Variants in RYR1 observed in about 807,000 individuals in gnomAD.
RYR1 encodes ryanodine receptor 1.
A neutral mutation model predicts 583.5 loss-of-function variants in RYR1; 342 were observed. The observed-to-expected ratio is 0.59, with a 90% CI of 0.54 to 0.64. The LOEUF (loss-of-function observed/expected upper bound fraction) is 0.64, where lower values mean the gene tolerates loss of function less well. RYR1 is among the 30% of genes least tolerant of loss of function. RYR1 has a pLI of 0.00. For missense variants in RYR1, 6,032 were observed against 6,917.2 expected, an observed-to-expected ratio of 0.87 and a Z score of 4.54; for synonymous variants, 2,791 against 2,822.5, an observed-to-expected ratio of 0.99 and a Z score of 0.35.
chr19:38,454,795 A>G (rs1218242225), intron 13 of RYR1, among the ~76,000 whole-genome samples: 1 of 151,314 alleles, frequency 6.6e-6, no homozygotes, highest in Non-Finnish European at 1.5e-5. Flanking sequence ...ATGTAAAAAA[A>G]AAAAGAAAAG....
chr19:38,511,141 C>A (rs1430502443), intron 60 of RYR1, among the ~76,000 whole-genome samples: 2 of 151,992 alleles, frequency 1.3e-5, no homozygotes, highest in East Asian at 3.9e-4. Context: ...ACAAAAAATA[C>A]AAAAATTAGC....
chr19:38,524,199 A>G (rs568655074), intron 70 of RYR1, among the ~76,000 whole-genome samples: 49 of 148,406 alleles, frequency 3.3e-4, no homozygotes, highest in Non-Finnish European at 4.8e-4. Flanking sequence ...AAAAAAAAAA[A>G]AAAAGAAAAA....
At chr19:38,502,400 G>A (rs763514908) in intron 47 of RYR1, 107 bp from the exon 48 acceptor site, 14 of 1,054,422 alleles carry the variant, frequency 1.3e-5, no homozygotes, top group Non-Finnish European at 2.0e-5. Flanking sequence ...GCAGGTTTTG[G>A]GGGAGTCATC....
chr19:38,478,656 A>C, intron 31 of RYR1, 56 bp downstream of exon 31: 2 of 1,590,488 alleles, frequency 1.3e-6, no homozygotes, highest in Non-Finnish European at 1.7e-6. Context: ...ATCCCAGGAC[A>C]GCTCTTATAG....
intron 94 of RYR1, 148 bp from the exon 95 acceptor site, chr19:38,571,871 C>A: frequency 1.8e-6 from 2 of 1,124,816 alleles, no homozygotes; most frequent in Non-Finnish European, 1.3e-6. Context: ...CTAGCTACAG[C>A]CCTAGGCCCA....
At chr19:38,530,864 G>A (rs568654922) in intron 76 of RYR1, among the ~76,000 whole-genome samples, 3 of 151,792 alleles carry the variant, frequency 2.0e-5, no homozygotes, top group South Asian at 2.1e-4. Context: ...GTGCAATGGC[G>A]CAATCTCGGC....
chr19:38,438,946 A>C (rs540155830), intron 1 of RYR1, among the ~76,000 whole-genome samples: 17 of 151,492 alleles, frequency 1.1e-4, no homozygotes, highest in Non-Finnish European at 2.2e-4. Flanking sequence ...CCTGGGCTCA[A>C]GTAATCCTTC....
chr19:38,585,952 G>A lies in RYR1; in HGVS notation c.14818G>A (p.Ala4940Thr), dbSNP rs118192158. The change falls in exon 103 of 106, where the codon GCT becomes ACT. Residue 4940 changes from alanine to threonine, a missense_variant. Physicochemically the swap from Ala to Thr is moderately conservative, Grantham distance 58. Coordinates refer to ENST00000359596, the MANE Select transcript of RYR1 (RefSeq NM_000540.3). ...LAIIQGLIID[A>T]FGELRDQQEQ... ...TGCCACCCCAGGTCTGATCATCGAC[G>A]CTTTTGGTGAGCTCCGAGACCAACA... 4 of 1,613,852 alleles carry A rather than the reference G, an allele frequency of 2.5e-6. No homozygotes were observed. Among genetic ancestry groups the A allele is most frequent in the African/African-American group, 1.3e-5 (1 of 74,838 alleles).
intron 28 of RYR1, among the ~76,000 whole-genome samples, chr19:38,474,177 A>T (rs1262530624): frequency 2.0e-5 from 3 of 152,198 alleles, no homozygotes; most frequent in Non-Finnish European, 2.9e-5. Context: ...TGTGTCACAA[A>T]TGTACCCCCC....
rs1220636855 is a variant in RYR1 at position 38,502,517 on chromosome 19, G to A, written c.7625G>A (p.Ser2542Asn). 1.4e-5 allele frequency: 23 copies of A among 1,600,304 alleles called. No individual in the cohort carries two copies. The highest frequency in any genetic ancestry group is 2.0e-5 in the Non-Finnish European group (23 of 1,176,778). Reference sequence around the variant, plus strand: ...CACCCTGCGCCCTAGGCCACTTTCAGCACCACCGAGATGGCGCTGGCGCTG... The same window carrying A: ...CACCCTGCGCCCTAGGCCACTTTCAACACCACCGAGATGGCGCTGGCGCTG... ...AAASLDTATF[S>N]TTEMALALNR... Residue 2542 changes from serine to asparagine, a missense_variant, in exon 48 of 106, where the codon AGC (serine) becomes AAC (asparagine). This residue lies in a region of RYR1 where 250 missense variants were observed against 162.3 expected (regional missense o/e 1.54). Transcript: ENST00000359596.
In RYR1 at chr19:38,500,291, C is replaced by T. The variant is rs1415347485; in HGVS notation, c.7323+275C>T. The stretch of plus-strand genomic sequence containing the variant: ...GTCGGGGCTGGGATTGCAGGGCACA[C>T]GGAGAGGACTCAGGATGGGGATGGG... On this transcript the variant is annotated intron_variant, in intron 45 of 105. Coordinates refer to ENST00000359596, the MANE Select transcript of RYR1 (RefSeq NM_000540.3). This position sits in a 1 kb window ranked among gnomAD's most constrained non-coding sequence, Gnocchi z 5.9. Among the ~76,000 whole-genome samples, 4 of 129,662 alleles carry T rather than the reference C, an allele frequency of 3.1e-5. No homozygotes were observed. The highest frequency in any genetic ancestry group is 4.7e-5 in the Non-Finnish European group (3 of 63,170). The allele number at this position is 129,662 out of a possible 152,430, so 85.1% of individuals were successfully genotyped here.
chr19:38,513,492 A>T (rs555935317), intron 63 of RYR1, among the ~76,000 whole-genome samples: 9 of 152,234 alleles, frequency 5.9e-5, no homozygotes, highest in African/African-American at 2.2e-4. Flanking sequence ...AAAAAAGAAG[A>T]AAAGAAAAGT....
At chr19:38,522,976 C>T in intron 67 of RYR1, 52 bp from the exon 68 acceptor site, 1 of 1,439,428 alleles carries the variant, frequency 6.9e-7, no homozygotes, top group Non-Finnish European at 9.5e-7. Context: ...CTGGGCAGCC[C>T]CCTTCCCTGG....
chr19:38,457,046 C>CAAAAA lies in RYR1; in HGVS notation c.1792-430_1792-426dup, dbSNP rs71165550. On this transcript the variant is annotated intron_variant, in intron 16 of 105. Coordinates refer to ENST00000359596, the MANE Select transcript of RYR1 (RefSeq NM_000540.3). ...GGGCGACAGAGCCAGACTCCATCTC[C>CAAAAA]AAAAAAAAAAAAAAAAAAAAAAAAA... 7.6e-4 allele frequency among the ~76,000 whole-genome samples: 15 copies of CAAAAA among 19,732 alleles called. 2 individuals carry two copies. The highest frequency in any genetic ancestry group is 2.2e-3 in the East Asian group (1 of 454). The allele number at this position is 19,732 out of a possible 152,430, so 12.9% of individuals were successfully genotyped here.
At chr19:38,475,833 A>G (rs1968694377) in intron 29 of RYR1, among the ~76,000 whole-genome samples, 1 of 152,226 alleles carries the variant, frequency 6.6e-6, no homozygotes, top group South Asian at 2.1e-4. Flanking sequence ...TAATTGTCTT[A>G]ATATAGTTTT....
chr19:38,481,223 A>C (rs886932701), intron 31 of RYR1, among the ~76,000 whole-genome samples: 4 of 151,914 alleles, frequency 2.6e-5, no homozygotes, highest in Non-Finnish European at 4.4e-5. Flanking sequence ...ACCTCCTGGG[A>C]TCAAACGATC....
At position 38,543,982 on chromosome 19, in the gene RYR1, T is replaced by C; in HGVS notation, c.12012+107T>C. On this transcript the variant is annotated intron_variant, in intron 87 of 105. Coordinates refer to ENST00000359596, the MANE Select transcript of RYR1 (RefSeq NM_000540.3). The surrounding 1 kb of genome is among the most constrained non-coding windows in gnomAD (Gnocchi z 4.4). Reference sequence around the variant, plus strand: ...GTTTGTCACCCGAGTGCTCCCGGCATGTTCCAGACTGGTTCCCTCTCAGTG... The same window carrying C: ...GTTTGTCACCCGAGTGCTCCCGGCACGTTCCAGACTGGTTCCCTCTCAGTG... The C allele has an allele frequency of 9.0e-7, 1 of 1,107,418 alleles. No individual in the cohort carries two copies. The highest frequency in any genetic ancestry group is 1.3e-6 in the Non-Finnish European group (1 of 753,652). The allele number at this position is 1,107,418 out of a possible 1,614,324, so 68.6% of individuals were successfully genotyped here. A position where few individuals can be genotyped will look rare whatever the true frequency, so the allele number is the denominator to read the frequency against.
Position 38,519,356 on chromosome 19 carries a change from C to A in RYR1, c.10161C>A (p.Ala3387=), listed in dbSNP as rs376909404. The stretch of plus-strand genomic sequence containing the variant: ...TGCGCCTGGAGGCCAAGGCGGAGGC[C>A]CAGGAGGGCGAGCTGCTGGTGCGGG... ...EQLRLEAKAE[A]QEGELLVRDE... The change falls in exon 67 of 106, where the codon GCC becomes GCA. Residue 3387 remains alanine, a synonymous_variant. Transcript: ENST00000359596. The A allele has an allele frequency of 1.2e-6, 2 of 1,611,204 alleles. No homozygotes were observed. The highest frequency in any genetic ancestry group is 2.7e-5 in the African/African-American group (2 of 74,848).
chr19:38,493,633 C>T (rs1170566110), intron 38 of RYR1, among the ~76,000 whole-genome samples: 2 of 151,522 alleles, frequency 1.3e-5, no homozygotes, highest in African/African-American at 4.9e-5. Flanking sequence ...GATTCTCCTG[C>T]TTCAGCCTCC....
Sources: gnomAD v4.1 joint callset for allele counts (sites outside exome capture counted in the v4.1 genomes callset) on GRCh38, gnomAD v4.1.1 for gene constraint, gnomAD v4.1.1 regional missense constraint, Gnocchi (gnomAD v3.1) non-coding constraint, MANE v1.5 for transcripts, NCBI Gene and HGNC (gene_info 2026-07-23, HGNC 2026-07-21) for gene names.